Variants in IKBKB observed in about 807,000 individuals in gnomAD.
IKBKB encodes the protein inhibitor of nuclear factor kappa B kinase subunit beta.
IKBKB carries 42 observed loss-of-function variants against 113.6 expected under a neutral mutation model. That is an observed-to-expected ratio of 0.37 (90% CI 0.29 to 0.48). The LOEUF (loss-of-function observed/expected upper bound fraction) is 0.48. Ranked by LOEUF, IKBKB falls within the 20% of genes least tolerant of loss-of-function variation. The pLI is 0.99. For missense variants in IKBKB, 673 were observed against 939.7 expected (o/e 0.72, Z 3.71); for synonymous variants, 296 against 361.3 (o/e 0.82, Z 2.05).
chr8:42,273,456 T>G (rs2130005273), intron 2 of IKBKB, among the ~76,000 whole-genome samples: 1 of 151,626 alleles, frequency 6.6e-6, no homozygotes, highest in African/African-American at 2.4e-5. Flanking sequence ...TATTTGCTAA[T>G]TATGATGTCT....
Position 42,328,701 on chromosome 8 carries a change from C to T in IKBKB, c.2115-423C>T, listed in dbSNP as rs138559813. ...GATTAGATGAAACCAAATCCCAGAA[C>T]TTGATTTTCAACAGATTCCAAGGAA... is the stretch of plus-strand genomic sequence containing the variant. On this transcript the variant is annotated intron_variant, in intron 20 of 21. Coordinates refer to ENST00000520810, the MANE Select transcript of IKBKB (RefSeq NM_001556.3). Among the ~76,000 whole-genome samples the T allele has an allele frequency of 2.4e-4, 36 of 152,300 alleles. 1 individual carries two copies. The East Asian group carries it at 6.9e-3, about 29-fold the overall frequency.
chr8:42,274,784 G>GCCACCCCC (rs1563290444), intron 2 of IKBKB, among the ~76,000 whole-genome samples: 2 of 41,648 alleles, frequency 4.8e-5, no homozygotes, highest in Non-Finnish European at 9.5e-5. Flanking sequence ...CCCCGCCGGC[G>GCCACCCCC]CGCCCCCCCC....
At chr8:42,306,903 A>G (rs1445091384) in intron 7 of IKBKB, among the ~76,000 whole-genome samples, 4 of 152,274 alleles carry the variant, frequency 2.6e-5, no homozygotes, top group South Asian at 2.1e-4. Flanking sequence ...TGGTCTGAAT[A>G]TTAGGTTTCT....
At chr8:42,272,261 C>A in intron 2 of IKBKB, 56 bp downstream of exon 2, 1 of 1,611,132 alleles carries the variant, frequency 6.2e-7, no homozygotes, top group Non-Finnish European at 8.5e-7. Flanking sequence ...CTCCTCACTG[C>A]CTCCACTTTC....
intron 3 of IKBKB, among the ~76,000 whole-genome samples, 199 bp downstream of exon 3, chr8:42,288,927 C>A (rs1811991888): frequency 6.6e-6 from 1 of 152,072 alleles, no homozygotes; most frequent in African/African-American, 2.4e-5. Context: ...ACTAAAAATA[C>A]AAAAAATTAG....
At chr8:42,271,632 A>G (rs1265554427) in intron 1 of IKBKB, 163 bp downstream of exon 1, 2 of 545,542 alleles carry the variant, frequency 3.7e-6, no homozygotes, top group Non-Finnish European at 6.4e-6. Context: ...CGGGAGAAAC[A>G]GCTCTCCCTG....
intron 13 of IKBKB, 118 bp from the exon 14 acceptor site, chr8:42,319,152 T>C: frequency 1.1e-6 from 1 of 893,078 alleles, no homozygotes; most frequent in Non-Finnish European, 1.7e-6. Context: ...ATAATAGTGA[T>C]GATGATAATA....
Position 42,309,038 on chromosome 8 carries a change from G to A in IKBKB, c.692+13G>A, listed in dbSNP as rs751093837. 20 of 1,611,014 alleles carry A rather than the reference G, an allele frequency of 1.2e-5. No individual in the cohort carries two copies. The highest frequency in any genetic ancestry group is 8.9e-5 in the East Asian group (4 of 44,876). ...AGCCCGTGCAGTGGTGAGTGGGCCC[G>A]GGGCACCTGGATGGAGGAGGGAGCC... On this transcript the variant is annotated intron_variant, in intron 8 of 21. Coordinates refer to ENST00000520810, the MANE Select transcript of IKBKB (RefSeq NM_001556.3).
At chr8:42,326,139 A>G in intron 20 of IKBKB, 42 bp downstream of exon 20, 2 of 1,610,946 alleles carry the variant, frequency 1.2e-6, no homozygotes, top group South Asian at 1.1e-5. Flanking sequence ...CATCAAGGGC[A>G]CGTCAGGAGA....
chr8:42,326,001 C>T lies in IKBKB; in HGVS notation c.2018C>T (p.Pro673Leu). Residue 673 changes from proline to leucine, a missense_variant, in exon 20 of 22, where the codon CCG (proline) becomes CTG (leucine). Transcript: ENST00000520810. ...SKVRGPVSGS[P>L]DSMNASRLSQ... is the part of the protein sequence containing the mutation. Reference sequence around the variant, plus strand: ...GTCCGTGGTCCTGTCAGTGGAAGCCCGGATAGCATGAATGCCTCTCGACTT... The same window carrying T: ...GTCCGTGGTCCTGTCAGTGGAAGCCTGGATAGCATGAATGCCTCTCGACTT... 1 of 1,614,168 alleles carries T rather than the reference C, an allele frequency of 6.2e-7. No homozygotes were observed. The highest frequency in any genetic ancestry group is 8.5e-7 in the Non-Finnish European group (1 of 1,180,030).
At chr8:42,287,339 A>T (rs985404372) in intron 2 of IKBKB, among the ~76,000 whole-genome samples, 2 of 152,264 alleles carry the variant, frequency 1.3e-5, no homozygotes, top group Non-Finnish European at 2.9e-5. Flanking sequence ...CAAGTCTATA[A>T]TTTAACAAAG....
At chr8:42,272,003 A>G in intron 1 of IKBKB, 80 bp from the exon 2 acceptor site, 5 of 1,285,470 alleles carry the variant, frequency 3.9e-6, no homozygotes, top group Non-Finnish European at 4.3e-6. Flanking sequence ...GAGCAGTGGT[A>G]TCTCTTGCCT....
chr8:42,302,825 A>G (rs2130485657), intron 5 of IKBKB, among the ~76,000 whole-genome samples: 1 of 152,068 alleles, frequency 6.6e-6, no homozygotes, highest in East Asian at 1.9e-4. Flanking sequence ...TGTATAGCTT[A>G]ATGTTCTGAG....
intron 2 of IKBKB, among the ~76,000 whole-genome samples, chr8:42,287,044 G>C (rs1469194606): frequency 6.6e-6 from 1 of 152,232 alleles, no homozygotes; most frequent in African/African-American, 2.4e-5. Flanking sequence ...GGCAGCTGCT[G>C]CCCCGCAGTT....
intron 8 of IKBKB, among the ~76,000 whole-genome samples, chr8:42,312,911 A>G (rs1817991018): frequency 6.6e-6 from 1 of 152,228 alleles, no homozygotes; most frequent in African/African-American, 2.4e-5. Flanking sequence ...ATTCAGACAG[A>G]ATAGAAAGAA....
chr8:42,271,393 G>C lies in IKBKB; in HGVS notation c.-95G>C. On this transcript the variant is annotated 5_prime_UTR_variant, in exon 1 of 22. Transcript: ENST00000520810. ...TTAATGTTTTCAGGGGGGTGTCATAGCCCCGGGTTTGGCCGCCCCAGCCCC... is the reference window on the plus strand; with the variant it reads ...TTAATGTTTTCAGGGGGGTGTCATACCCCCGGGTTTGGCCGCCCCAGCCCC... 1 of 1,514,808 alleles carries C rather than the reference G, an allele frequency of 6.6e-7. No homozygotes were observed. Among genetic ancestry groups the C allele is most frequent in the Non-Finnish European group, 8.9e-7 (1 of 1,129,772 alleles). 93.8% of individuals were successfully genotyped at this position (1,514,808 alleles called of 1,614,324 possible).
At chr8:42,320,496 T>C (rs1819552937) in intron 15 of IKBKB, 1 of 464,028 alleles carries the variant, frequency 2.2e-6, no homozygotes, top group Admixed American at 4.0e-5. Flanking sequence ...AAGCCTATTT[T>C]ATGCAAAAGG....
chr8:42,309,808 C>T (rs938429855), intron 8 of IKBKB: 4 of 150,746 alleles, frequency 2.7e-5, no homozygotes, highest in African/African-American at 9.7e-5. Flanking sequence ...AATTGTGAAC[C>T]TAATAAATTA....
At chr8:42,282,154 T>G (rs2130177328) in intron 2 of IKBKB, among the ~76,000 whole-genome samples, 1 of 152,272 alleles carries the variant, frequency 6.6e-6, no homozygotes, top group African/African-American at 2.4e-5. Flanking sequence ...CTCCGTTTTC[T>G]CAAAATACAG....
Sources: allele counts gnomAD v4.1 joint callset (sites outside exome capture counted in the v4.1 genomes callset), GRCh38; gene constraint gnomAD v4.1.1; transcripts MANE v1.5; gene names NCBI Gene and HGNC (gene_info 2026-07-23, HGNC 2026-07-21).